The following TNN variants were observed in gnomAD, a reference collection of about 807,000 sequenced individuals.
TNN encodes the protein tenascin N, also known as tenascin-N.
In TNN, 122 loss-of-function variants were observed where a neutral mutation model predicts 134.4. The ratio of observed to expected loss-of-function variants is 0.91; its 90% CI spans 0.78 to 1.06. TNN has a LOEUF of 1.06. Ranked by LOEUF, TNN falls within the 50% of genes least tolerant of loss-of-function variation. TNN has a pLI of 0.00. For synonymous variants in TNN, 710 were observed against 670.3 expected, an observed-to-expected ratio of 1.06 and a Z score of -0.91; for missense variants, 1,739 against 1,699.4, an observed-to-expected ratio of 1.02 and a Z score of -0.41.
rs1458464486 is a variant in TNN at position 175,135,876 on chromosome 1, A to G, written c.3362A>G (p.Asp1121Gly). ...VFQRRNTGQL[D>G]FFKRWRSYVE... ...CAGAGGCGGAACACTGGGCAGCTGGATTTCTTCAAGCGATGGAGGAGCTAT... is the reference window on the plus strand; with the variant it reads ...CAGAGGCGGAACACTGGGCAGCTGGGTTTCTTCAAGCGATGGAGGAGCTAT... The change falls in exon 16 of 19, where the codon GAT becomes GGT. Residue 1121 changes from aspartate to glycine, a missense_variant. By Grantham distance (94) the Asp-to-Gly change is moderately conservative. Transcript: ENST00000239462. 1 of 1,613,894 alleles carries G rather than the reference A, an allele frequency of 6.2e-7. No homozygotes were observed. The highest frequency in any genetic ancestry group is 8.5e-7 in the Non-Finnish European group (1 of 1,179,900).
intron 17 of TNN, among the ~76,000 whole-genome samples, chr1:175,142,597 A>G (rs1455484893): frequency 6.6e-6 from 1 of 151,532 alleles, no homozygotes; most frequent in African/African-American, 2.4e-5. Context: ...GGCTGGGGCC[A>G]AATAATTTGC....
intron 15 of TNN, among the ~76,000 whole-genome samples, chr1:175,130,584 GC>G (rs1675652431): frequency 6.6e-6 from 1 of 151,092 alleles, no homozygotes; most frequent in East Asian, 2.0e-4. Context: ...GTCTAGTGTG[GC>G]CTTTTTGTAA....
chr1:175,128,155 C>A lies in TNN; in HGVS notation c.3169C>A (p.Leu1057Ile), dbSNP rs372157573. 65 of 1,605,372 alleles carry A rather than the reference C, an allele frequency of 4.0e-5. No homozygotes were observed. The highest frequency in any genetic ancestry group is 5.2e-5 in the Non-Finnish European group (61 of 1,175,946). Residue 1057 changes from leucine to isoleucine, a missense_variant, in exon 14 of 19, where the codon CTC becomes ATC. Transcript: ENST00000239462. ...GRRSRNVSTTLSTVGARFPHP... is the reference protein window; with the variant it reads ...GRRSRNVSTTISTVGARFPHP... ...CCGGAGCAGAAATGTATCCACCACC[C>A]TCTCCACAGGTAATATGGAATCCTG...
At chr1:175,100,763 T>A (rs1295685519) in intron 9 of TNN, among the ~76,000 whole-genome samples, 1 of 152,220 alleles carries the variant, frequency 6.6e-6, no homozygotes, top group Non-Finnish European at 1.5e-5. Flanking sequence ...AGGAACATAA[T>A]TTCTTGTATT....
chr1:175,116,972 G>T lies in TNN; in HGVS notation c.2153G>T (p.Arg718Leu), dbSNP rs373267722. Residue 718 changes from arginine to leucine, a missense_variant, in exon 10 of 19, where the codon CGG (arginine) becomes CTG (leucine). Physicochemically the swap from Arg to Leu is moderately radical, Grantham distance 102. Coordinates refer to ENST00000239462, the MANE Select transcript of TNN (RefSeq NM_022093.2). The stretch of plus-strand genomic sequence containing the variant: ...AGCCCCCAAAACCTGGTGACCGACC[G>T]GGTGACAGAGAATATGGCCACTGTC... ...IDSPQNLVTD[R>L]VTENMATVSW... is the part of the protein sequence containing the mutation. 1.2e-6 allele frequency: 2 copies of T among 1,614,150 alleles called. No individual in the cohort carries two copies. Among genetic ancestry groups the T allele is most frequent in the Non-Finnish European group, 1.7e-6 (2 of 1,180,028 alleles).
chr1:175,125,673 CCCTCCCT>C (rs1222378361), intron 12 of TNN, among the ~76,000 whole-genome samples: 33 of 118,826 alleles, frequency 2.8e-4, no homozygotes, highest in Non-Finnish European at 5.3e-4. Context: ...TTCTCTCCCT[CCCTCCCT>C]CCTTTCTTTC....
intron 7 of TNN, among the ~76,000 whole-genome samples, chr1:175,095,031 C>G (rs771193063): frequency 6.6e-6 from 1 of 152,236 alleles, no homozygotes; most frequent in Non-Finnish European, 1.5e-5. Flanking sequence ...TTAACCCCAG[C>G]TCTGCCATTG....
At chr1:175,096,502 T>C (rs1426440736) in intron 7 of TNN, among the ~76,000 whole-genome samples, 1 of 152,178 alleles carries the variant, frequency 6.6e-6, no homozygotes, top group Non-Finnish European at 1.5e-5. Context: ...CAAGTGGTCC[T>C]GTGCAGGTAT....
chr1:175,089,774 T>C (rs905389040), intron 6 of TNN, among the ~76,000 whole-genome samples: 13 of 152,242 alleles, frequency 8.5e-5, no homozygotes, highest in African/African-American at 2.9e-4. Context: ...TATTCACTTG[T>C]CATCAATTTT....
rs36158819 is a variant in TNN at position 175,137,363 on chromosome 1, AGTGTGTGT to A, written c.3595+397_3595+404del. Reference sequence around the variant, plus strand: ...TGGCTGTCATCTTTGTCTGCACAGTAGTGTGTGTGTGTGTGTGTGTGTGTGTGTGATTA... The same window carrying A: ...TGGCTGTCATCTTTGTCTGCACAGTAGTGTGTGTGTGTGTGTGTGTGATTA... On this transcript the variant is annotated intron_variant, in intron 17 of 18. Transcript: ENST00000239462. Among the ~76,000 whole-genome samples the A allele has an allele frequency of 6.2e-3, 390 of 62,672 alleles. 1 individual carries two copies. The highest frequency in any genetic ancestry group is 0.049 in the South Asian group (116 of 2,350). 41.1% of individuals were successfully genotyped at this position (62,672 alleles called of 152,430 possible).
intron 1 of TNN, among the ~76,000 whole-genome samples, chr1:175,074,619 A>T (rs1310949229): frequency 1.3e-5 from 2 of 152,136 alleles, no homozygotes; most frequent in Non-Finnish European, 2.9e-5. Context: ...CCTGAAATGC[A>T]GTCAGTTCTC....
intron 1 of TNN, among the ~76,000 whole-genome samples, chr1:175,076,416 C>G (rs1156835364): frequency 6.6e-6 from 1 of 152,188 alleles, no homozygotes; most frequent in Admixed American, 6.5e-5. Flanking sequence ...CTGTCCTTAA[C>G]AGGCTCACGG....
intron 7 of TNN, among the ~76,000 whole-genome samples, chr1:175,096,377 G>A (rs888954345): frequency 9.2e-5 from 14 of 152,166 alleles, no homozygotes; most frequent in Non-Finnish European, 1.5e-4. Flanking sequence ...AGAATCCTGG[G>A]TGCTAAATCA....
At chr1:175,124,841 TTC>T (rs1358449755) in intron 12 of TNN, among the ~76,000 whole-genome samples, 1 of 152,212 alleles carries the variant, frequency 6.6e-6, no homozygotes, top group Non-Finnish European at 1.5e-5. Flanking sequence ...CTCTGTTCCT[TTC>T]TCTCTTATTC....
chr1:175,139,107 C>T (rs1258992578), intron 17 of TNN, among the ~76,000 whole-genome samples: 1 of 152,136 alleles, frequency 6.6e-6, no homozygotes, highest in Non-Finnish European at 1.5e-5. Context: ...ATGTGAAGGC[C>T]CAGGACAGGA....
chr1:175,090,862 A>G (rs1470817822), intron 6 of TNN, among the ~76,000 whole-genome samples: 10 of 152,162 alleles, frequency 6.6e-5, no homozygotes, highest in Non-Finnish European at 4.4e-5. Flanking sequence ...TTGACCTTGA[A>G]TGTCCCTAAG....
At chr1:175,118,870 T>G (rs764218734) in intron 11 of TNN, 46 bp downstream of exon 11, 3 of 1,607,452 alleles carry the variant, frequency 1.9e-6, no homozygotes, top group Non-Finnish European at 2.5e-6. Flanking sequence ...TAGCTGCAGG[T>G]TGATCTATTG....
intron 5 of TNN, among the ~76,000 whole-genome samples, chr1:175,084,865 G>T (rs1452106090): frequency 6.6e-6 from 1 of 152,204 alleles, no homozygotes; most frequent in Non-Finnish European, 1.5e-5. Flanking sequence ...AATGGCTCAT[G>T]CCTGTGGTCC....
chr1:175,086,485 G>A (rs1394991138), intron 6 of TNN, among the ~76,000 whole-genome samples: 1 of 152,180 alleles, frequency 6.6e-6, no homozygotes, highest in East Asian at 1.9e-4. Flanking sequence ...TCCCCATGCT[G>A]GAAACCTGTG....
Sources: gnomAD v4.1 joint callset for allele counts (sites outside exome capture counted in the v4.1 genomes callset) on GRCh38, gnomAD v4.1.1 for gene constraint, MANE v1.5 for transcripts, NCBI Gene and HGNC (gene_info 2026-07-23, HGNC 2026-07-21) for gene names.